RGS6: variants seen among roughly 807,000 people sequenced by gnomAD.
RGS6 encodes the protein regulator of G protein signaling 6.
A neutral mutation model predicts 78.5 loss-of-function variants in RGS6; 30 were observed. That is an observed-to-expected ratio of 0.38 (90% CI 0.29 to 0.52). RGS6 has a LOEUF of 0.52. Ranked by LOEUF, RGS6 falls within the 20% of genes least tolerant of loss-of-function variation. RGS6 has a pLI of 0.85. For missense variants in RGS6, 495 were observed against 609.7 expected, an observed-to-expected ratio of 0.81 and a Z score of 1.98; for synonymous variants, 206 against 206.0, an observed-to-expected ratio of 1.00 and a Z score of 0.00.
At chr14:72,466,827 GA>G (rs974568412) in intron 7 of RGS6, among the ~76,000 whole-genome samples, 1 of 152,064 alleles carries the variant, frequency 6.6e-6, no homozygotes, top group African/African-American at 2.4e-5. Flanking sequence ...TGTACAAAAG[GA>G]AAAAAGTCAA....
At chr14:72,287,178 C>A (rs2062720643) in intron 2 of RGS6, among the ~76,000 whole-genome samples, 1 of 152,194 alleles carries the variant, frequency 6.6e-6, no homozygotes. Context: ...CCTGATATTT[C>A]ACTGAATTTA....
At chr14:72,494,334 G>T (rs2096616124) in intron 12 of RGS6, among the ~76,000 whole-genome samples, 4 of 152,088 alleles carry the variant, frequency 2.6e-5, no homozygotes, top group Admixed American at 2.6e-4. Flanking sequence ...GGAGGGAGTT[G>T]AGGACTGGTG....
intron 1 of RGS6, among the ~76,000 whole-genome samples, chr14:71,941,842 G>A (rs1433517519): frequency 3.9e-5 from 6 of 152,170 alleles, no homozygotes; most frequent in Admixed American, 3.9e-4. Context: ...GTATCCCTCA[G>A]TGCAATCAAG....
chr14:72,207,766 A>G (rs1345650885), intron 2 of RGS6, among the ~76,000 whole-genome samples: 2 of 152,144 alleles, frequency 1.3e-5, no homozygotes, highest in South Asian at 2.1e-4. Context: ...TTGCCACCCA[A>G]TAGGCACTCT....
chr14:72,333,925 G>A (rs958783969), intron 2 of RGS6, among the ~76,000 whole-genome samples: 2 of 152,170 alleles, frequency 1.3e-5, no homozygotes, highest in African/African-American at 4.8e-5. Flanking sequence ...CCCCAAATGA[G>A]CTACCTGTTG....
chr14:72,588,028 A>G, the RGS6 span, among the ~76,000 whole-genome samples: 1 of 152,196 alleles, frequency 6.6e-6, no homozygotes, highest in Non-Finnish European at 1.5e-5. Context: ...TGCACCAGAA[A>G]GAGGCAGCCC....
the RGS6 span, among the ~76,000 whole-genome samples, chr14:72,591,414 A>AT: frequency 2.0e-5 from 3 of 151,860 alleles, no homozygotes; most frequent in East Asian, 1.9e-4. Flanking sequence ...CTTTTTTCTA[A>AT]TTTTTTTTCC....
At chr14:72,023,639 C>CAG (rs1395656654) in intron 2 of RGS6, among the ~76,000 whole-genome samples, 1 of 152,148 alleles carries the variant, frequency 6.6e-6, no homozygotes, top group Admixed American at 6.5e-5. Flanking sequence ...GAGAAATGTT[C>CAG]AGAGGCAGTT....
At chr14:71,891,055 G>T in the RGS6 span, among the ~76,000 whole-genome samples, 2 of 152,130 alleles carry the variant, frequency 1.3e-5, no homozygotes, top group Admixed American at 6.5e-5. Context: ...TAAAGAAAAG[G>T]CTCCACAGTT....
At chr14:72,458,433 C>G (rs2095689183) in intron 5 of RGS6, 56 bp downstream of exon 5, 1 of 1,328,822 alleles carries the variant, frequency 7.5e-7, no homozygotes, top group Non-Finnish European at 1.1e-6. Flanking sequence ...ATCATCTGAT[C>G]TTAGGTTAGA....
chr14:71,936,027 T>TG (rs2089172656), intron 1 of RGS6, among the ~76,000 whole-genome samples: 1 of 139,614 alleles, frequency 7.2e-6, no homozygotes, highest in Non-Finnish European at 1.5e-5. Context: ...TATATATATA[T>TG]ATATATATAT....
intron 2 of RGS6, among the ~76,000 whole-genome samples, chr14:71,987,142 G>C (rs2094748815): frequency 6.6e-6 from 1 of 152,148 alleles, no homozygotes; most frequent in Non-Finnish European, 1.5e-5. Flanking sequence ...TCTTAGAAAA[G>C]GAAAGGAAAA....
chr14:71,900,775 G>A, the RGS6 span, among the ~76,000 whole-genome samples: 3 of 152,064 alleles, frequency 2.0e-5, no homozygotes, highest in Non-Finnish European at 2.9e-5. Context: ...ATAGAAAAGA[G>A]GTTTAGTTTG....
chr14:72,053,946 G>A (rs184177491), intron 2 of RGS6, among the ~76,000 whole-genome samples: 7 of 152,234 alleles, frequency 4.6e-5, no homozygotes, highest in South Asian at 2.1e-4. Flanking sequence ...TAAGCCTGTC[G>A]CTTGGTTTTA....
chr14:72,209,546 C>T (rs1489057759), intron 2 of RGS6, among the ~76,000 whole-genome samples: 4 of 152,140 alleles, frequency 2.6e-5, no homozygotes, highest in Admixed American at 2.0e-4. Flanking sequence ...GGGGATGTGA[C>T]ACAGTTGTCT....
At chr14:72,527,489 G>C (rs1406769255) in intron 15 of RGS6, among the ~76,000 whole-genome samples, 1 of 152,172 alleles carries the variant, frequency 6.6e-6, no homozygotes, top group Non-Finnish European at 1.5e-5. Context: ...TGTAAAATGG[G>C]GGTGTTTAAA....
chr14:72,188,933 G>A (rs1483597400), intron 2 of RGS6, among the ~76,000 whole-genome samples: 1 of 152,190 alleles, frequency 6.6e-6, no homozygotes, highest in Non-Finnish European at 1.5e-5. Context: ...GGAAAATGGT[G>A]TGTTTTAAGT....
In RGS6 at chr14:72,295,062, C is replaced by T. The variant is rs538802798; in HGVS notation, c.85-57033C>T. Among the ~76,000 whole-genome samples the T allele has an allele frequency of 3.9e-5, 6 of 152,122 alleles. No homozygotes were observed. In the South Asian group the frequency reaches 8.3e-4, roughly 21 times the overall value. On this transcript the variant is annotated intron_variant, in intron 2 of 17. Transcript: ENST00000553525. ...ATCCCAGCACTTTGGGAGGCCGAGG[C>T]GGGCGGATCACGAGGTCAGGAGATC...
At chr14:72,083,546 T>C (rs1370940777) in intron 2 of RGS6, among the ~76,000 whole-genome samples, 1 of 152,314 alleles carries the variant, frequency 6.6e-6, no homozygotes, top group East Asian at 1.9e-4. Flanking sequence ...GCTATGTGGA[T>C]GTTGTGTAGC....
Sources: gnomAD v4.1 joint callset for allele counts (sites outside exome capture counted in the v4.1 genomes callset) on GRCh38, gnomAD v4.1.1 for gene constraint, MANE v1.5 for transcripts, NCBI Gene and HGNC (gene_info 2026-07-23, HGNC 2026-07-21) for gene names.